The following PGM2 variants were observed in gnomAD, a reference collection of about 807,000 sequenced individuals.
The protein encoded by PGM2 is phosphopentomutase.
In PGM2, 57 loss-of-function variants were observed where a neutral mutation model predicts 74.6. That is an observed-to-expected ratio of 0.76 (90% CI 0.62 to 0.95). The LOEUF is 0.95. PGM2 is among the 40% of genes least tolerant of loss of function. The pLI, the probability that PGM2 is intolerant of heterozygous loss-of-function variation, is 0.00. For synonymous variants in PGM2, 273 were observed against 260.7 expected, an observed-to-expected ratio of 1.05 and a Z score of -0.46; for missense variants, 706 against 741.9, an observed-to-expected ratio of 0.95 and a Z score of 0.56.
At chr4:37,848,899 G>A (rs1023336266) in intron 11 of PGM2, among the ~76,000 whole-genome samples, 6 of 151,908 alleles carry the variant, frequency 3.9e-5, no homozygotes, top group Non-Finnish European at 8.8e-5. Context: ...GTGAAACCCC[G>A]TCTCCACTAA....
chr4:37,829,195 AT>A (rs1374281766), intron 1 of PGM2, among the ~76,000 whole-genome samples: 1 of 152,262 alleles, frequency 6.6e-6, no homozygotes, highest in East Asian at 1.9e-4. Context: ...CAAAAAAAAA[AT>A]AGGGCAATGT....
At position 37,850,033 on chromosome 4, in the gene PGM2, C is replaced by A. The variant is rs1001550610; in HGVS notation, c.1413-151C>A. On this transcript the variant is annotated intron_variant, in intron 11 of 13. Coordinates refer to ENST00000381967, the MANE Select transcript of PGM2 (RefSeq NM_018290.4). ...ATACTCCTGACCTCAGGTGATCTGC[C>A]CGCCTCGGCCTCACAAAGTGCTGGG... 16 of 509,146 alleles carry A rather than the reference C, an allele frequency of 3.1e-5. No homozygotes were observed. In the Admixed American group the frequency reaches 6.0e-4, roughly 19 times the overall value. The allele number at this position is 509,146 out of a possible 1,614,324, so 31.5% of individuals were successfully genotyped here.
At chr4:37,831,055 G>A (rs1382868133) in intron 2 of PGM2, among the ~76,000 whole-genome samples, 3 of 152,050 alleles carry the variant, frequency 2.0e-5, no homozygotes, top group East Asian at 3.9e-4. Flanking sequence ...TTAGCCAGGC[G>A]TGGTGGTGTG....
chr4:37,860,306 TA>T (rs1711724068), intron 13 of PGM2, among the ~76,000 whole-genome samples: 1 of 152,234 alleles, frequency 6.6e-6, no homozygotes, highest in Non-Finnish European at 1.5e-5. Context: ...ATAATTACTT[TA>T]TATGTTGCCA....
chr4:37,859,682 C>T (rs190152139), intron 13 of PGM2, among the ~76,000 whole-genome samples: 161 of 152,038 alleles, frequency 1.1e-3, no homozygotes, highest in African/African-American at 3.6e-3. Flanking sequence ...GCCAAATTGA[C>T]ACCTAAATCC....
At chr4:37,849,087 AAT>A (rs1408652455) in intron 11 of PGM2, among the ~76,000 whole-genome samples, 2 of 149,946 alleles carry the variant, frequency 1.3e-5, no homozygotes, top group East Asian at 4.0e-4. Context: ...AAAAAAAAAA[AAT>A]TTAAAAAAAC....
At chr4:37,827,466 GC>G (rs1191687435) in intron 1 of PGM2, among the ~76,000 whole-genome samples, 2 of 151,836 alleles carry the variant, frequency 1.3e-5, no homozygotes, top group Non-Finnish European at 2.9e-5. Flanking sequence ...CTATAAACTT[GC>G]GTCTCGCCCT....
chr4:37,828,357 T>G (rs1725352426), intron 1 of PGM2, among the ~76,000 whole-genome samples: 1 of 152,090 alleles, frequency 6.6e-6, no homozygotes, highest in African/African-American at 2.4e-5. Context: ...CCTTTTTTTT[T>G]TTTAATCACT....
chr4:37,829,867 T>TAC, intron 1 of PGM2, 97 bp from the exon 2 acceptor site: 1 of 424,326 alleles, frequency 2.4e-6, no homozygotes, highest in Non-Finnish European at 4.1e-6. Flanking sequence ...TATACATATA[T>TAC]ATATATTTTC....
chr4:37,845,425 TGACTTAGGAA>T (rs1022801461), intron 7 of PGM2, among the ~76,000 whole-genome samples, 198 bp from the exon 8 acceptor site: 3 of 152,224 alleles, frequency 2.0e-5, no homozygotes, highest in Non-Finnish European at 1.5e-5. Context: ...ATCTGACCTC[TGACTTAGGAA>T]GATACTATGT....
rs111348601 is a variant in PGM2 at position 37,853,605 on chromosome 4, TG to T, written c.1603-2002del. ...ACTGATTGGAAGCTCTGTGTACATA[TG>T]CAGATCAAATGACATACTTCACTCA... is the stretch of plus-strand genomic sequence containing the variant. On this transcript the variant is annotated intron_variant, in intron 12 of 13. Transcript: ENST00000381967. Among the ~76,000 whole-genome samples, 26 of 152,272 alleles carry T rather than the reference TG, an allele frequency of 1.7e-4. 1 individual carries two copies. The highest frequency in any genetic ancestry group is 5.1e-4 in the African/African-American group (21 of 41,552).
In PGM2 at chr4:37,838,173, G is replaced by T. The variant is rs148275461; in HGVS notation, c.441+560G>T. ...TGGGATTACAGGCATGAGCCACCAC[G>T]CCCGGCCTTTTCTCTGTTTTTAAAT... is the stretch of plus-strand genomic sequence containing the variant. On this transcript the variant is annotated intron_variant, in intron 4 of 13. Transcript: ENST00000381967. Among the ~76,000 whole-genome samples the T allele has an allele frequency of 4.4e-3, 670 of 152,236 alleles. 9 individuals carry two copies. Among genetic ancestry groups the T allele is most frequent in the South Asian group, 0.029 (141 of 4,828 alleles).
chr4:37,830,252 C>T, intron 2 of PGM2, 121 bp downstream of exon 2: 1 of 648,266 alleles, frequency 1.5e-6, no homozygotes, highest in Non-Finnish European at 2.4e-6. Flanking sequence ...CACAGGAAGT[C>T]ACCACCATTT....
chr4:37,831,231 C>A (rs1725435762), intron 2 of PGM2, among the ~76,000 whole-genome samples: 1 of 144,886 alleles, frequency 6.9e-6, no homozygotes, highest in Admixed American at 6.9e-5. Context: ...CATGGGAACT[C>A]CTGGTCACAA....
At chr4:37,842,408 T>G (rs946917880) in intron 6 of PGM2, among the ~76,000 whole-genome samples, 4 of 151,844 alleles carry the variant, frequency 2.6e-5, no homozygotes, top group Non-Finnish European at 4.4e-5. Context: ...TCTCTAGAAC[T>G]ATCATGTTTG....
intron 4 of PGM2, 97 bp from the exon 5 acceptor site, chr4:37,839,751 G>T (rs945806912): frequency 1.4e-6 from 1 of 732,228 alleles, no homozygotes; most frequent in South Asian, 1.5e-5. Context: ...TTATTAAAAG[G>T]GAGCAAGTTG....
In PGM2 at chr4:37,834,633, C is replaced by T. The variant is rs747104406; in HGVS notation, c.265C>T (p.Leu89=). Residue 89 remains leucine, a synonymous_variant, in exon 3 of 14, where the codon CTG becomes TTG. Coordinates refer to ENST00000381967, the MANE Select transcript of PGM2 (RefSeq NM_018290.4). The part of the protein sequence containing the change: ...IQTTQGFCRY[L]EKQFSDLKQK... ...GTATTTGTAGGGATTTTGCAGATAC[C>T]TGGAAAAACAATTCAGTGACTTAAA... 4 of 1,576,440 alleles carry T rather than the reference C, an allele frequency of 2.5e-6. No individual in the cohort carries two copies. The highest frequency in any genetic ancestry group is 3.5e-6 in the Non-Finnish European group (4 of 1,149,900).
intron 3 of PGM2, among the ~76,000 whole-genome samples, chr4:37,836,559 C>T (rs1297032590): frequency 6.6e-6 from 1 of 152,166 alleles, no homozygotes; most frequent in East Asian, 1.9e-4. Flanking sequence ...GAGAGAGTGG[C>T]GATCTGCTCT....
rs1453416416 is a variant in PGM2 at position 37,847,262 on chromosome 4, A to T, written c.1249A>T (p.Lys417Ter). The change falls in exon 10 of 14, where the codon AAA becomes TAA. Residue 417 changes from lysine (K) to a stop codon, truncating the protein, a stop_gained. Transcript: ENST00000381967. LOFTEE classifies it high-confidence loss of function. ...NRAKQLIDQGKTVLFAFEEAI... is the reference protein window; with the variant it reads ...NRAKQLIDQG ...AGCCAAACAGCTAATAGACCAGGGG[A>T]AAACTGTTTTATTTGCATTTGAAGA... The T allele has an allele frequency of 6.2e-7, 1 of 1,613,598 alleles. No homozygotes were observed. The highest frequency in any genetic ancestry group is 8.5e-7 in the Non-Finnish European group (1 of 1,179,516).
Sources: allele counts gnomAD v4.1 joint callset (sites outside exome capture counted in the v4.1 genomes callset), GRCh38; gene constraint gnomAD v4.1.1; transcripts MANE v1.5; gene names NCBI Gene and HGNC (gene_info 2026-07-23, HGNC 2026-07-21).